Variants in UNC13A observed in about 807,000 individuals in gnomAD.
The protein encoded by UNC13A is protein unc-13 homolog A.
Under a neutral mutation model 219.7 loss-of-function variants are expected in UNC13A, and 61 were observed. The ratio of observed to expected loss-of-function variants is 0.28; its 90% confidence interval spans 0.23 to 0.34. The LOEUF is 0.34. Among genes scored for constraint, UNC13A ranks in the 10% least tolerant of loss-of-function variants. The pLI, the probability that UNC13A is intolerant of heterozygous loss-of-function variation, is 1.00. For synonymous variants in UNC13A, 920 were observed against 884.6 expected, an observed-to-expected ratio of 1.04 and a Z score of -0.71; for missense variants, 1,476 against 2,270.3, an observed-to-expected ratio of 0.65 and a Z score of 7.11.
intron 1 of UNC13A, among the ~76,000 whole-genome samples, chr19:17,687,266 C>A (rs1455854268): frequency 1.3e-5 from 2 of 152,130 alleles, no homozygotes; most frequent in Non-Finnish European, 2.9e-5. Context: ...TGGGCGTGGG[C>A]CTCTGTGCAG....
intron 43 of UNC13A, 118 bp from the exon 44 acceptor site, chr19:17,606,472 C>T (rs2076531860): frequency 1.5e-6 from 2 of 1,337,974 alleles, no homozygotes; most frequent in Non-Finnish European, 2.0e-6. Flanking sequence ...CACCTGTCAC[C>T]TCCCACGCTA....
At chr19:17,643,241 AC>A (rs1189713532) in intron 19 of UNC13A, among the ~76,000 whole-genome samples, 1 of 151,876 alleles carries the variant, frequency 6.6e-6, no homozygotes, top group African/African-American at 2.4e-5. Flanking sequence ...CGAACTCCTT[AC>A]CTCAGGTGAT....
At chr19:17,641,355 C>A in intron 21 of UNC13A, 38 bp downstream of exon 21, 1 of 1,603,318 alleles carries the variant, frequency 6.2e-7, no homozygotes, top group South Asian at 1.1e-5. Context: ...ACTTGGTGAC[C>A]TCCCTCTTGT....
chr19:17,679,730 G>A (rs779610641), intron 1 of UNC13A, among the ~76,000 whole-genome samples: 32 of 152,010 alleles, frequency 2.1e-4, no homozygotes, highest in South Asian at 8.3e-4. Context: ...CCTCCTCCCC[G>A]TTCTATTTCT....
At chr19:17,661,393 A>G (rs2079548689) in intron 8 of UNC13A, among the ~76,000 whole-genome samples, 2 of 152,118 alleles carry the variant, frequency 1.3e-5, no homozygotes, top group Non-Finnish European at 2.9e-5. Flanking sequence ...AGGCAGATTT[A>G]TCCTCAAAAT....
In UNC13A at chr19:17,605,426, G is replaced by A. The variant is rs1176679595; in HGVS notation, c.*628C>T. 1.3e-5 allele frequency: 2 copies of A among 152,684 alleles called. No homozygotes were observed. Among genetic ancestry groups the A allele is most frequent in the African/African-American group, 4.8e-5 (2 of 41,428 alleles). The allele number at this position is 152,684 out of a possible 1,614,324, so 9.5% of individuals were successfully genotyped here. ...CAGAGCCGTCCCCTCGGCCCCCAGG[G>A]TTTGGGCGCCCAAGGGCGCATGTGC... On this transcript the variant is annotated 3_prime_UTR_variant, in exon 44 of 44. Transcript: ENST00000519716.
intron 1 of UNC13A, among the ~76,000 whole-genome samples, chr19:17,687,006 G>A (rs1429689796): frequency 6.6e-6 from 1 of 152,194 alleles, no homozygotes; most frequent in East Asian, 1.9e-4. Flanking sequence ...AAATGGGTGG[G>A]AGTGACGGGG....
intron 11 of UNC13A, among the ~76,000 whole-genome samples, chr19:17,654,574 G>A (rs2079414801): frequency 6.6e-6 from 1 of 152,158 alleles, no homozygotes; most frequent in Non-Finnish European, 1.5e-5. Context: ...CCCCAGCCCA[G>A]GGTGAGCTGA....
chr19:17,615,511 T>C (rs1307350468), intron 41 of UNC13A, among the ~76,000 whole-genome samples: 1 of 152,156 alleles, frequency 6.6e-6, no homozygotes, highest in South Asian at 2.1e-4. Flanking sequence ...AAACCCCGTC[T>C]CTACTAAAAA....
At chr19:17,629,364 ACCAAGGCAGGCG>A (rs1483469807) in intron 30 of UNC13A, 41 bp from the exon 31 acceptor site, 1 of 1,568,260 alleles carries the variant, frequency 6.4e-7, no homozygotes, top group Non-Finnish European at 8.7e-7. Flanking sequence ...AGAGGCTGGC[ACCAAGGCAGGCG>A]CCAGTCGTCC....
chr19:17,655,946 G>A lies in UNC13A; in HGVS notation c.1220C>T (p.Thr407Met), dbSNP rs769719390. ...DMAKVAPKPA[T>M]PDKVPAAEQI... ...CTCAGCTGCAGGCACCTTGTCGGGC[G>A]TGGCTGGCTTGGGGGCCACCTTGGC... The change falls in exon 10 of 44, where the codon ACG (threonine) becomes ATG (methionine). Residue 407 changes from threonine (T) to methionine (M), a missense_variant. By Grantham distance (81) the Thr-to-Met change is moderately conservative. This residue lies in a region of UNC13A where 351 missense variants were observed against 342.6 expected (regional missense o/e 1.02). Transcript: ENST00000519716. 93 of 1,545,042 alleles carry A rather than the reference G, an allele frequency of 6.0e-5. No individual in the cohort carries two copies. Among genetic ancestry groups the A allele is most frequent in the Middle Eastern group, 3.5e-4 (2 of 5,688 alleles).
chr19:17,673,608 G>C (rs2079838016), intron 3 of UNC13A, among the ~76,000 whole-genome samples: 1 of 151,042 alleles, frequency 6.6e-6, no homozygotes, highest in Admixed American at 6.6e-5. Flanking sequence ...CAGGAGAATA[G>C]CTTGAACCCA....
rs769608603 is a variant in UNC13A, at chr19:17,639,427, C to T, written c.2946+9G>A. The T allele has an allele frequency of 1.7e-5, 27 of 1,610,622 alleles. No homozygotes were observed. Among genetic ancestry groups the T allele is most frequent in the Non-Finnish European group, 2.2e-5 (26 of 1,178,576 alleles). On this transcript the variant is annotated intron_variant, in intron 24 of 43. Coordinates refer to ENST00000519716, the MANE Select transcript of UNC13A (RefSeq NM_001080421.3). The stretch of plus-strand genomic sequence containing the variant: ...CTTGGAGAGCAAAGGCAACTGGATC[C>T]TTTCCTACCTTCATCCGAAAGAAGG...
In UNC13A at chr19:17,621,809, C is replaced by T. The variant is rs760315203; in HGVS notation, c.4242+23G>A. On this transcript the variant is annotated intron_variant, in intron 37 of 43. Transcript: ENST00000519716. Reference sequence around the variant, plus strand: ...GCCCAGACACTGGAGCTCAGGGCCTCAGTGAGACGAGGCCCTCATTACCTT... The same window carrying T: ...GCCCAGACACTGGAGCTCAGGGCCTTAGTGAGACGAGGCCCTCATTACCTT... 4 of 1,613,744 alleles carry T rather than the reference C, an allele frequency of 2.5e-6. No homozygotes were observed. The Admixed American group carries it at 5.0e-5, about 20-fold the overall frequency.
intron 8 of UNC13A, among the ~76,000 whole-genome samples, chr19:17,660,331 T>C (rs2079529296): frequency 6.6e-6 from 1 of 152,132 alleles, no homozygotes; most frequent in South Asian, 2.1e-4. Context: ...TAAATTACTT[T>C]GAGTTGGATT....
chr19:17,636,638 A>G (rs1360090604), intron 25 of UNC13A, among the ~76,000 whole-genome samples: 3 of 152,298 alleles, frequency 2.0e-5, no homozygotes, highest in African/African-American at 4.8e-5. Context: ...ACATCAACCC[A>G]AATCAAAATA....
chr19:17,666,879 CACGAGAGAGAGAGAGAGA>C (rs1306083174), intron 6 of UNC13A, among the ~76,000 whole-genome samples, 175 bp from the exon 7 acceptor site: 4 of 116,290 alleles, frequency 3.4e-5, no homozygotes, highest in Non-Finnish European at 1.9e-5. Flanking sequence ...CACACACACA[CACGAGAGAGAGAGAGAGA>C]GAGAGAGAGA....
chr19:17,610,629 C>T (rs1306111558), intron 42 of UNC13A, among the ~76,000 whole-genome samples: 1 of 152,210 alleles, frequency 6.6e-6, no homozygotes, highest in African/African-American at 2.4e-5. Flanking sequence ...TACTTCTCCA[C>T]TGTGGCTTAA....
chr19:17,649,240 A>C lies in UNC13A; in HGVS notation c.1524+99T>G, dbSNP rs2145072964. 3 of 1,523,218 alleles carry C rather than the reference A, an allele frequency of 2.0e-6. No individual in the cohort carries two copies. The highest frequency in any genetic ancestry group is 2.6e-6 in the Non-Finnish European group (3 of 1,134,914). 94.4% of individuals were successfully genotyped at this position (1,523,218 alleles called of 1,614,324 possible). On this transcript the variant is annotated intron_variant, in intron 14 of 43. Transcript: ENST00000519716. The surrounding 1 kb of genome is among the most constrained non-coding windows in gnomAD (Gnocchi z 4.4). ...AGCATCCAACACAGTGGGACATGGC[A>C]AGGTTCCCCCATAATCCATGAATTG...
Sources: allele counts gnomAD v4.1 joint callset (sites outside exome capture counted in the v4.1 genomes callset), GRCh38; gene constraint gnomAD v4.1.1; regional missense constraint gnomAD v4.1.1; non-coding constraint Gnocchi (gnomAD v3.1); transcripts MANE v1.5; gene names NCBI Gene and HGNC (gene_info 2026-07-23, HGNC 2026-07-21).